FNDC3A: variants seen among roughly 807,000 people sequenced by gnomAD.
FNDC3A encodes fibronectin type-III domain-containing protein 3A.
In FNDC3A, 32 loss-of-function variants were observed where a neutral mutation model predicts 148.9. The observed-to-expected ratio is 0.21, with a 90% CI of 0.16 to 0.29. The LOEUF (loss-of-function observed/expected upper bound fraction) is 0.29, where lower values mean the gene tolerates loss of function less well. Ranked by LOEUF, FNDC3A falls within the 10% of genes least tolerant of loss-of-function variation. The pLI is 1.00. For synonymous variants in FNDC3A, 472 were observed against 473.6 expected (o/e 1.00, Z 0.04); for missense variants, 1,191 against 1,452.8 (o/e 0.82, Z 2.93).
chr13:49,191,082 A>G lies in FNDC3A; in HGVS notation c.2012A>G (p.Gln671Arg). 6.2e-7 allele frequency: 1 copy of G among 1,613,950 alleles called. No individual in the cohort carries two copies. The highest frequency in any genetic ancestry group is 8.5e-7 in the Non-Finnish European group (1 of 1,179,954). ...GGCCCATGCCTCCCTCCCAGATTAC[A>G]GGGTAGACCCAAAGCAAAAGAAATA... ...PPGPCLPPRLQGRPKAKEIQL... is the reference protein window; with the variant it reads ...PPGPCLPPRLRGRPKAKEIQL... The change falls in exon 18 of 26, where the codon CAG becomes CGG. Residue 671 changes from glutamine (Q) to arginine (R), a missense_variant. Gln to Arg is a conservative substitution (Grantham distance 43, BLOSUM62 1). Transcript: ENST00000492622.
intron 3 of FNDC3A, among the ~76,000 whole-genome samples, chr13:49,079,981 G>T (rs1267929743): frequency 3.3e-5 from 5 of 152,078 alleles, no homozygotes; most frequent in Non-Finnish European, 7.4e-5. Context: ...TGCTTTTATA[G>T]AGTTGAGTTC....
intron 2 of FNDC3A, among the ~76,000 whole-genome samples, chr13:49,054,499 G>A (rs1876081917): frequency 6.6e-6 from 1 of 152,128 alleles, no homozygotes. Context: ...GCCATACTGA[G>A]CATGCATGTC....
intron 3 of FNDC3A, among the ~76,000 whole-genome samples, chr13:49,090,473 G>T (rs1317282143): frequency 1.3e-5 from 2 of 152,116 alleles, no homozygotes; most frequent in African/African-American, 4.8e-5. Flanking sequence ...TCGGGGGTCT[G>T]TGCTTTGACC....
chr13:48,987,098 A>C (rs1173263947), intron 1 of FNDC3A, among the ~76,000 whole-genome samples: 2 of 152,258 alleles, frequency 1.3e-5, no homozygotes, highest in African/African-American at 4.8e-5. Flanking sequence ...CAAAGTTAAC[A>C]ATCTATAATA....
intron 1 of FNDC3A, among the ~76,000 whole-genome samples, chr13:48,990,738 G>A (rs1265193350): frequency 1.3e-5 from 2 of 151,972 alleles, no homozygotes; most frequent in East Asian, 3.8e-4. Flanking sequence ...TTCTAGCCTG[G>A]GCAATAGAGA....
chr13:49,041,048 G>T (rs1307050132), intron 2 of FNDC3A, among the ~76,000 whole-genome samples: 1 of 152,106 alleles, frequency 6.6e-6, no homozygotes, highest in Non-Finnish European at 1.5e-5. Flanking sequence ...AATAGCATAG[G>T]AATCCAGATA....
At chr13:49,121,643 C>A (rs1254153810) in intron 4 of FNDC3A, among the ~76,000 whole-genome samples, 6 of 151,950 alleles carry the variant, frequency 3.9e-5, no homozygotes, top group African/African-American at 1.5e-4. Context: ...CAAATAGACA[C>A]AATAAAAAAT....
chr13:49,166,980 A>C (rs942017283), intron 8 of FNDC3A, among the ~76,000 whole-genome samples: 1 of 104,560 alleles, frequency 9.6e-6, no homozygotes, highest in Non-Finnish European at 2.4e-5. Context: ...TATCTTCCTT[A>C]ACTCCACTCC....
chr13:49,145,904 G>A lies in FNDC3A; in HGVS notation c.946G>A (p.Gly316Arg), dbSNP rs1357280261. 6 of 1,612,370 alleles carry A rather than the reference G, an allele frequency of 3.7e-6. No individual in the cohort carries two copies. The highest frequency in any genetic ancestry group is 1.3e-5 in the African/African-American group (1 of 74,840). ...TTATGAAGTTCTGATCTCAAGTACT[G>A]GAAAAGATGGGAAATACAAAAGTGT... The part of the protein sequence containing the change: ...YGYEVLISST[G>R]KDGKYKSVYV... The change falls in exon 8 of 26, where the codon GGA becomes AGA. Residue 316 changes from glycine to arginine, a missense_variant. Coordinates refer to ENST00000492622, the MANE Select transcript of FNDC3A (RefSeq NM_001079673.2).
At chr13:49,166,078 G>T (rs1278083094) in intron 8 of FNDC3A, among the ~76,000 whole-genome samples, 1 of 152,174 alleles carries the variant, frequency 6.6e-6, no homozygotes, top group Admixed American at 6.5e-5. Flanking sequence ...GCAGGGTAGG[G>T]ATGACCCCCA....
At chr13:49,136,220 A>T in intron 5 of FNDC3A, 112 bp from the exon 6 acceptor site, 1 of 933,782 alleles carries the variant, frequency 1.1e-6, no homozygotes, top group Non-Finnish European at 1.6e-6. Flanking sequence ...AAATTCTTTT[A>T]AATATTTTAT....
chr13:49,104,625 A>G (rs1391119343), intron 3 of FNDC3A, among the ~76,000 whole-genome samples: 3 of 152,204 alleles, frequency 2.0e-5, no homozygotes, highest in African/African-American at 7.2e-5. Context: ...TGCTCTAGGT[A>G]CCATCCTCTT....
Position 49,006,547 on chromosome 13 carries a change from A to G in FNDC3A, c.99+258A>G, listed in dbSNP as rs568351846. 2.6e-5 allele frequency among the ~76,000 whole-genome samples: 4 copies of G among 152,116 alleles called. No homozygotes were observed. In the East Asian group the frequency reaches 7.7e-4, roughly 29 times the overall value. On this transcript the variant is annotated intron_variant, in intron 2 of 25. Transcript: ENST00000492622. Reference sequence around the variant, plus strand: ...AGTTGTTTTTGTTTTCCTTTAGACAAATAGTGTGCTAGTCCCTGAGTTTAG... The same window carrying G: ...AGTTGTTTTTGTTTTCCTTTAGACAGATAGTGTGCTAGTCCCTGAGTTTAG...
At position 49,024,374 on chromosome 13, in the gene FNDC3A, A is replaced by G. The variant is rs568505203; in HGVS notation, c.99+18085A>G. ...GAAAGAACTGTTCCTAACCATTTCC[A>G]TGAGGCAAACATAACCCTGATACCG... On this transcript the variant is annotated intron_variant, in intron 2 of 25. Transcript: ENST00000492622. 2.0e-3 allele frequency among the ~76,000 whole-genome samples: 303 copies of G among 152,104 alleles called. 1 individual carries two copies. The highest frequency in any genetic ancestry group is 5.7e-3 in the Admixed American group (87 of 15,294).
intron 3 of FNDC3A, among the ~76,000 whole-genome samples, chr13:49,104,690 G>GT (rs1164976433): frequency 1.3e-5 from 2 of 152,160 alleles, no homozygotes; most frequent in African/African-American, 4.8e-5. Flanking sequence ...CCCACAAAAA[G>GT]TAAGAGACAT....
At chr13:49,032,013 T>C (rs187195533) in intron 2 of FNDC3A, among the ~76,000 whole-genome samples, 85 of 152,366 alleles carry the variant, frequency 5.6e-4, no homozygotes, top group African/African-American at 2.0e-3. Context: ...AAAGAAGTTA[T>C]GTACATGTAC....
At chr13:49,011,964 G>GT (rs1445049113) in intron 2 of FNDC3A, among the ~76,000 whole-genome samples, 1 of 152,086 alleles carries the variant, frequency 6.6e-6, no homozygotes, top group Non-Finnish European at 1.5e-5. Flanking sequence ...CAATTTGACT[G>GT]TTTTTCCATG....
chr13:49,156,501 G>A (rs1005329093), intron 8 of FNDC3A, among the ~76,000 whole-genome samples: 10 of 150,378 alleles, frequency 6.6e-5, no homozygotes, highest in Non-Finnish European at 1.5e-4. Context: ...CTTTTAATTG[G>A]AGCATTAAGT....
chr13:49,064,125 G>A (rs182118591), intron 2 of FNDC3A, among the ~76,000 whole-genome samples: 141 of 152,102 alleles, frequency 9.3e-4, no homozygotes, highest in African/African-American at 3.2e-3. Flanking sequence ...GGCAGATCAC[G>A]AGGTCAGGAG....
Sources: allele counts gnomAD v4.1 joint callset (sites outside exome capture counted in the v4.1 genomes callset), GRCh38; gene constraint gnomAD v4.1.1; transcripts MANE v1.5; gene names NCBI Gene and HGNC (gene_info 2026-07-23, HGNC 2026-07-21).